RBFOX3: variants seen among roughly 807,000 people sequenced by gnomAD.
The protein encoded by RBFOX3 is RNA binding protein fox-1 homolog 3.
In RBFOX3, 17 loss-of-function variants were observed where a neutral mutation model predicts 48.7. The ratio of observed to expected loss-of-function variants is 0.35; its 90% confidence interval spans 0.24 to 0.52. The LOEUF is 0.52. Ranked by LOEUF, RBFOX3 falls within the 20% of genes least tolerant of loss-of-function variation. RBFOX3 has a pLI of 0.94. For missense variants in RBFOX3, 382 were observed against 497.5 expected (o/e 0.77, Z 2.21); for synonymous variants, 212 against 209.5 (o/e 1.01, Z -0.10).
At chr17:79,594,361 C>T (rs2093509122) in intron 1 of RBFOX3, among the ~76,000 whole-genome samples, 1 of 152,172 alleles carries the variant, frequency 6.6e-6, no homozygotes. Context: ...GAAGACACAG[C>T]CCTGACCCTC....
intron 1 of RBFOX3, among the ~76,000 whole-genome samples, chr17:79,564,052 C>T (rs2092360058): frequency 6.6e-6 from 1 of 152,198 alleles, no homozygotes; most frequent in South Asian, 2.1e-4. Context: ...AGCCCCAAAA[C>T]AGATGGAGGA....
At chr17:79,139,710 C>G (rs1469474204) in intron 4 of RBFOX3, among the ~76,000 whole-genome samples, 1 of 152,106 alleles carries the variant, frequency 6.6e-6, no homozygotes, top group Non-Finnish European at 1.5e-5. Flanking sequence ...CCACCAACCG[C>G]GAAAAAGGAG....
chr17:79,293,784 T>C (rs1012835003), intron 3 of RBFOX3, among the ~76,000 whole-genome samples: 1 of 152,046 alleles, frequency 6.6e-6, no homozygotes, highest in East Asian at 1.9e-4. Flanking sequence ...ACCTGCTGCT[T>C]TGGGGGCTGA....
At chr17:79,455,918 A>G (rs1555744686) in intron 2 of RBFOX3, among the ~76,000 whole-genome samples, 1 of 152,114 alleles carries the variant, frequency 6.6e-6, no homozygotes, top group African/African-American at 2.4e-5. Flanking sequence ...ACATTGCACT[A>G]ACCAGGTCCC....
At position 79,418,277 on chromosome 17, in the gene RBFOX3, C is replaced by T. The variant is rs570098406; in HGVS notation, c.-175+64177G>A. Among the ~76,000 whole-genome samples the T allele has an allele frequency of 1.9e-4, 29 of 152,306 alleles. No individual in the cohort carries two copies. In the South Asian group the frequency reaches 4.6e-3, roughly 24 times the overall value. ...TCCAATCGCAGGGATGTATGTGTTC[C>T]ATCCAGCTGCCTAGTCCTCCCTCCT... On this transcript the variant is annotated intron_variant, in intron 2 of 14. Coordinates refer to ENST00000693108, the MANE Select transcript of RBFOX3 (RefSeq NM_001350451.2). The surrounding 1 kb of genome is among the most constrained non-coding windows in gnomAD (Gnocchi z 5.0).
At chr17:79,230,409 G>A (rs962223395) in intron 4 of RBFOX3, among the ~76,000 whole-genome samples, 1 of 151,942 alleles carries the variant, frequency 6.6e-6, no homozygotes, top group Admixed American at 6.6e-5. Flanking sequence ...ACAGTCACCC[G>A]CCACCATACC....
At chr17:79,315,556 G>A (rs141268536) in intron 2 of RBFOX3, among the ~76,000 whole-genome samples, 9 of 152,322 alleles carry the variant, frequency 5.9e-5, no homozygotes, top group Non-Finnish European at 1.0e-4. Context: ...TGGCCACTGC[G>A]GCCAGACAGA....
chr17:79,335,705 G>A (rs757945970), intron 2 of RBFOX3, among the ~76,000 whole-genome samples: 6 of 152,112 alleles, frequency 3.9e-5, no homozygotes, highest in South Asian at 2.1e-4. Context: ...CTGCTCCCAC[G>A]TGCTCATGCT....
intron 1 of RBFOX3, among the ~76,000 whole-genome samples, chr17:79,573,081 G>A (rs1232174854): frequency 2.0e-5 from 3 of 152,138 alleles, no homozygotes; most frequent in African/African-American, 7.2e-5. Flanking sequence ...CTGCCTCTAC[G>A]GCACCTGACA....
chr17:79,592,272 TGG>T (rs34428546), intron 1 of RBFOX3, among the ~76,000 whole-genome samples: 8 of 147,664 alleles, frequency 5.4e-5, no homozygotes, highest in South Asian at 2.2e-4. Context: ...TGTATGTGGG[TGG>T]GGGGGTGTGG....
chr17:79,151,282 G>A (rs570487236), intron 4 of RBFOX3, among the ~76,000 whole-genome samples: 4 of 150,564 alleles, frequency 2.7e-5, no homozygotes, highest in Admixed American at 2.6e-4. Flanking sequence ...ATCCAGTGCC[G>A]GGGCTGAAGG....
At chr17:79,149,567 G>A (rs2144716923) in intron 4 of RBFOX3, among the ~76,000 whole-genome samples, 1 of 152,168 alleles carries the variant, frequency 6.6e-6, no homozygotes, top group Non-Finnish European at 1.5e-5. Flanking sequence ...AGTGTGCCTG[G>A]GGGGGTCCGT....
chr17:79,625,556 T>A, the RBFOX3 span, among the ~76,000 whole-genome samples: 4 of 152,270 alleles, frequency 2.6e-5, no homozygotes, highest in East Asian at 7.7e-4. Flanking sequence ...TTTGGGAGGC[T>A]GAGTGGGGGC....
At chr17:79,187,220 A>T (rs74001649) in intron 4 of RBFOX3, among the ~76,000 whole-genome samples, 5 of 152,160 alleles carry the variant, frequency 3.3e-5, no homozygotes, top group African/African-American at 1.2e-4. Context: ...CAAGGTGGCA[A>T]GTGGCAAATC....
Position 79,242,434 on chromosome 17 carries a change from G to A in RBFOX3, c.-73-6629C>T, listed in dbSNP as rs1465882617. 2.6e-5 allele frequency among the ~76,000 whole-genome samples: 4 copies of A among 152,192 alleles called. No homozygotes were observed. In the East Asian group the frequency reaches 7.7e-4, roughly 29 times the overall value. On this transcript the variant is annotated intron_variant, in intron 3 of 14. Coordinates refer to ENST00000693108, the MANE Select transcript of RBFOX3 (RefSeq NM_001350451.2). The surrounding 1 kb of genome is among the most constrained non-coding windows in gnomAD (Gnocchi z 5.8). ...AAATTATAAAAAATCAACTGTGGGT[G>A]GCTTAAACCTGGCTTGTGATGACGG...
At position 79,363,347 on chromosome 17, in the gene RBFOX3, A is replaced by G. The variant is rs913862291; in HGVS notation, c.-174-55523T>C. Among the ~76,000 whole-genome samples the G allele has an allele frequency of 6.6e-6, 1 of 152,032 alleles. No individual in the cohort carries two copies. Among genetic ancestry groups the G allele is most frequent in the African/African-American group, 2.4e-5 (1 of 41,382 alleles). On this transcript the variant is annotated intron_variant, in intron 2 of 14. Transcript: ENST00000693108. This position sits in a 1 kb window ranked among gnomAD's most constrained non-coding sequence, Gnocchi z 4.7. Reference sequence around the variant, plus strand: ...AGACTCTCTTGGCAACGCCAGGGAGAGGAACAGGATTCCTGGGATACCCAG... The same window carrying G: ...AGACTCTCTTGGCAACGCCAGGGAGGGGAACAGGATTCCTGGGATACCCAG...
chr17:79,305,042 C>G (rs968617943), intron 3 of RBFOX3, among the ~76,000 whole-genome samples: 9 of 152,202 alleles, frequency 5.9e-5, no homozygotes, highest in African/African-American at 2.2e-4. Flanking sequence ...TCCGCTGTGG[C>G]CCTGCTCTCA....
the RBFOX3 span, among the ~76,000 whole-genome samples, chr17:79,631,342 G>A: frequency 6.6e-6 from 1 of 152,148 alleles, no homozygotes; most frequent in Non-Finnish European, 1.5e-5. Context: ...CACGGGCAGT[G>A]AGAGTGATTC....
chr17:79,484,977 G>A (rs1210027406), intron 1 of RBFOX3, among the ~76,000 whole-genome samples: 3 of 152,324 alleles, frequency 2.0e-5, no homozygotes, highest in South Asian at 2.1e-4. Context: ...TCCTGGAGGC[G>A]ATTCCCAAGC....
Sources: allele counts gnomAD v4.1 joint callset (sites outside exome capture counted in the v4.1 genomes callset), GRCh38; gene constraint gnomAD v4.1.1; non-coding constraint Gnocchi (gnomAD v3.1); transcripts MANE v1.5; gene names NCBI Gene and HGNC (gene_info 2026-07-23, HGNC 2026-07-21).